Variants in LMO7 observed in about 807,000 individuals in gnomAD.
LMO7 encodes the protein LIM domain only protein 7.
A neutral mutation model predicts 206.5 loss-of-function variants in LMO7; 120 were observed. The observed-to-expected ratio is 0.58, with a 90% CI of 0.50 to 0.68. The LOEUF (loss-of-function observed/expected upper bound fraction) is 0.68, where lower values mean the gene tolerates loss of function less well. Among genes scored for constraint, LMO7 ranks in the 30% least tolerant of loss-of-function variants. LMO7 has a pLI of 0.00. For missense variants in LMO7, 1,959 were observed against 1,957.9 expected (o/e 1.00, Z -0.01); for synonymous variants, 706 against 681.5 (o/e 1.04, Z -0.56).
chr13:75,781,271 T>TC, intron 4 of LMO7, among the ~76,000 whole-genome samples: 1 of 61,174 alleles, frequency 1.6e-5, no homozygotes, highest in Non-Finnish European at 2.9e-5. Flanking sequence ...ATGCTATCCC[T>TC]CCCCCCTCCC....
chr13:75,637,270 A>G (rs1165740851), intron 1 of LMO7, among the ~76,000 whole-genome samples: 1 of 152,170 alleles, frequency 6.6e-6, no homozygotes, highest in Non-Finnish European at 1.5e-5. Context: ...CTGGGGCCGC[A>G]TCCAAGCCCA....
intron 4 of LMO7, among the ~76,000 whole-genome samples, chr13:75,793,085 C>T (rs1472815198): frequency 6.6e-6 from 1 of 152,102 alleles, no homozygotes; most frequent in Non-Finnish European, 1.5e-5. Context: ...GGAGGATGTT[C>T]AGCCCAGTGC....
At chr13:75,848,209 A>AC (rs1308873352) in intron 26 of LMO7, among the ~76,000 whole-genome samples, 1 of 151,286 alleles carries the variant, frequency 6.6e-6, no homozygotes, top group Non-Finnish European at 1.5e-5. Flanking sequence ...TTTGTCCCTC[A>AC]CCCCCTTCCC....
intron 1 of LMO7, among the ~76,000 whole-genome samples, chr13:75,695,010 C>A (rs2041799268): frequency 6.6e-6 from 1 of 152,128 alleles, no homozygotes; most frequent in Admixed American, 6.5e-5. Flanking sequence ...CTCCTGCCTC[C>A]CACACACTCC....
At chr13:75,812,472 G>A (rs574392917) in intron 11 of LMO7, among the ~76,000 whole-genome samples, 121 of 151,174 alleles carry the variant, frequency 8.0e-4, no homozygotes, top group African/African-American at 2.6e-3. Flanking sequence ...TCTGTTTGCC[G>A]TATAAGGCTA....
At chr13:75,782,941 A>C (rs1212128115) in intron 4 of LMO7, among the ~76,000 whole-genome samples, 1 of 152,174 alleles carries the variant, frequency 6.6e-6, no homozygotes, top group Non-Finnish European at 1.5e-5. Context: ...GTAGGGTAAC[A>C]TTCACAGGTT....
chr13:75,670,945 T>A (rs1203048771), intron 1 of LMO7, among the ~76,000 whole-genome samples: 1 of 148,884 alleles, frequency 6.7e-6, no homozygotes, highest in Non-Finnish European at 1.5e-5. Context: ...ATTCTATACC[T>A]TTTTTTTTTA....
At chr13:75,659,360 CTACTCT>C (rs1252824740) in intron 1 of LMO7, among the ~76,000 whole-genome samples, 2 of 152,078 alleles carry the variant, frequency 1.3e-5, no homozygotes, top group East Asian at 3.8e-4. Flanking sequence ...TCATATTAAG[CTACTCT>C]TGTGTATTAG....
intron 1 of LMO7, among the ~76,000 whole-genome samples, chr13:75,698,258 C>A (rs1364865744): frequency 6.6e-6 from 1 of 151,812 alleles, no homozygotes; most frequent in African/African-American, 2.4e-5. Context: ...CAAATTAAGA[C>A]CTATTCTTGT....
intron 1 of LMO7, among the ~76,000 whole-genome samples, chr13:75,686,770 G>C (rs946600255): frequency 6.6e-6 from 1 of 152,092 alleles, no homozygotes. Flanking sequence ...AGTATATAGG[G>C]TGCATGGCTT....
upstream of LMO7, among the ~76,000 whole-genome samples, chr13:75,632,789 G>A (rs1176065113): frequency 2.7e-5 from 4 of 150,806 alleles, no homozygotes; most frequent in African/African-American, 4.9e-5. Context: ...ATAGGATTCA[G>A]CATCTAGAAT....
At chr13:75,808,903 A>G (rs941103869) in intron 10 of LMO7, among the ~76,000 whole-genome samples, 18 of 152,212 alleles carry the variant, frequency 1.2e-4, no homozygotes, top group African/African-American at 4.1e-4. Flanking sequence ...GTTCCTGACA[A>G]TGGGAAGCCT....
intron 15 of LMO7, among the ~76,000 whole-genome samples, chr13:75,832,046 A>C (rs887100255): frequency 6.6e-5 from 10 of 152,168 alleles, no homozygotes; most frequent in Non-Finnish European, 1.5e-4. Context: ...TTTTTCTGGA[A>C]AGTAAAACAG....
chr13:75,740,531 T>G (rs1174042339), intron 3 of LMO7, among the ~76,000 whole-genome samples: 5 of 152,226 alleles, frequency 3.3e-5, no homozygotes, highest in Non-Finnish European at 7.3e-5. Flanking sequence ...AAGGTGGTAT[T>G]GTAGAGCTAG....
intron 16 of LMO7, among the ~76,000 whole-genome samples, chr13:75,833,963 G>A (rs1595401895): frequency 6.6e-6 from 1 of 151,908 alleles, no homozygotes; most frequent in East Asian, 1.9e-4. Context: ...TCCTTGGGAG[G>A]TTAATAAAGA....
At chr13:75,663,424 C>CTTTCTTTCTTT (rs2038797544) in intron 1 of LMO7, among the ~76,000 whole-genome samples, 1 of 95,762 alleles carries the variant, frequency 1.0e-5, no homozygotes, top group Non-Finnish European at 2.2e-5. Context: ...TTCTTTCTTT[C>CTTTCTTTCTTT]TTTCTTTCTT....
chr13:75,789,818 T>C (rs1427596705), intron 4 of LMO7, among the ~76,000 whole-genome samples: 5 of 152,188 alleles, frequency 3.3e-5, no homozygotes, highest in African/African-American at 9.7e-5. Context: ...CATAATTGGC[T>C]GGTGCACTGC....
At chr13:75,730,502 A>G (rs1008484315) in intron 3 of LMO7, among the ~76,000 whole-genome samples, 14 of 151,946 alleles carry the variant, frequency 9.2e-5, no homozygotes, top group African/African-American at 3.4e-4. Flanking sequence ...TGTTGCGTCT[A>G]TTTGATTCTT....
intron 1 of LMO7, among the ~76,000 whole-genome samples, chr13:75,691,735 G>A (rs7331067): frequency 0.063 from 9,607 of 152,116 alleles, 617 homozygotes; most frequent in African/African-American, 0.16. Context: ...GTGTTCACAT[G>A]GAAATATCTA....
Sources: allele counts gnomAD v4.1 joint callset (sites outside exome capture counted in the v4.1 genomes callset), GRCh38; gene constraint gnomAD v4.1.1; transcripts MANE v1.5; gene names NCBI Gene and HGNC (gene_info 2026-07-23, HGNC 2026-07-21).